The following SLC33A2 variants were observed in gnomAD, a reference collection of about 807,000 sequenced individuals.
SLC33A2 encodes major facilitator superfamily domain containing 3.
chr8:144,509,580 C>G, the SLC33A2 span: 2 of 1,529,406 alleles, frequency 1.3e-6, no homozygotes, highest in South Asian at 1.2e-5. Flanking sequence ...GGTGTGTGGG[C>G]TGCTTGCCGG....
chr8:144,511,014 C>G, the SLC33A2 span: 6 of 1,602,230 alleles, frequency 3.7e-6, no homozygotes, highest in East Asian at 1.3e-4. Context: ...GCCTTCTGGC[C>G]ACGCTGGAGC....
chr8:144,510,191 G>C, the SLC33A2 span: 625 of 1,293,830 alleles, frequency 4.8e-4, 6 homozygotes, highest in South Asian at 8.4e-3. Flanking sequence ...TCCGCCCCCA[G>C]CTCTAGCCCC....
the SLC33A2 span, chr8:144,509,517 G>A: frequency 2.6e-6 from 4 of 1,529,284 alleles, no homozygotes; most frequent in Non-Finnish European, 2.6e-6. Context: ...GCTGGTGGAC[G>A]CGCAGGGCTC....
chr8:144,510,882 G>T, the SLC33A2 span: 1 of 1,607,558 alleles, frequency 6.2e-7, no homozygotes, highest in Non-Finnish European at 8.5e-7. Flanking sequence ...GCTGCAGCCA[G>T]CTGGCCCCCA....
At chr8:144,509,654 G>A in the SLC33A2 span, 24 of 1,548,524 alleles carry the variant, frequency 1.5e-5, no homozygotes, top group Non-Finnish European at 2.1e-5. Flanking sequence ...TGCTGCTGTT[G>A]TTGAACCTGG....
At chr8:144,509,719 C>T in the SLC33A2 span, 7 of 1,568,122 alleles carry the variant, frequency 4.5e-6, no homozygotes, top group Non-Finnish European at 5.2e-6. Context: ...CTGCTGGAGC[C>T]GGCCGAACTG....
At chr8:144,510,383 T>G in the SLC33A2 span, 1 of 1,612,508 alleles carries the variant, frequency 6.2e-7, no homozygotes, top group Non-Finnish European at 8.5e-7. Flanking sequence ...CAGCAGCCTG[T>G]TTCCTCTTCT....
the SLC33A2 span, chr8:144,509,517 G>T: frequency 1.3e-6 from 2 of 1,529,172 alleles, no homozygotes; most frequent in Non-Finnish European, 1.7e-6. Flanking sequence ...GCTGGTGGAC[G>T]CGCAGGGCTC....
chr8:144,510,130 G>GC, the SLC33A2 span: 1 of 1,354,608 alleles, frequency 7.4e-7, no homozygotes, highest in Non-Finnish European at 9.9e-7. Context: ...GGTATGACCT[G>GC]CAAGACTTGG....
chr8:144,510,011 G>C, the SLC33A2 span: 7 of 1,594,124 alleles, frequency 4.4e-6, no homozygotes, highest in East Asian at 2.2e-5. Flanking sequence ...TCACCTACAA[G>C]CTGGGTGAGT....
chr8:144,509,826 CA>C, the SLC33A2 span: 78 of 1,538,838 alleles, frequency 5.1e-5, no homozygotes, highest in African/African-American at 2.9e-4. Context: ...CTCGTGGCCG[CA>C]ACTCTTTCTG....
At chr8:144,509,262 C>A in the SLC33A2 span, 1 of 1,385,542 alleles carries the variant, frequency 7.2e-7, no homozygotes, top group Non-Finnish European at 9.4e-7. Flanking sequence ...TGACCCCACG[C>A]GGAGGGGACC....
chr8:144,509,546 G>A, the SLC33A2 span: 1 of 1,519,538 alleles, frequency 6.6e-7, no homozygotes, highest in Non-Finnish European at 8.8e-7. Context: ...CCTGGGTGAC[G>A]CGCAGCACGG....
the SLC33A2 span, chr8:144,510,335 G>A: frequency 2.5e-6 from 4 of 1,609,896 alleles, no homozygotes; most frequent in Middle Eastern, 1.9e-4. Context: ...AACCTCCCGT[G>A]CTCATGCCCC....
chr8:144,511,019 T>C, the SLC33A2 span: 1 of 1,602,706 alleles, frequency 6.2e-7, no homozygotes, highest in Non-Finnish European at 8.5e-7. Context: ...CTGGCCACGC[T>C]GGAGCTGCTG....
chr8:144,509,297 AC>A, the SLC33A2 span: 1 of 1,426,532 alleles, frequency 7.0e-7, no homozygotes, highest in South Asian at 1.5e-5. Context: ...CCCACCTGGA[AC>A]CCGACCTCCC....
the SLC33A2 span, chr8:144,510,825 C>T: frequency 1.2e-6 from 2 of 1,611,180 alleles, no homozygotes; most frequent in East Asian, 2.2e-5. Context: ...GTCTGCAGCA[C>T]TTCTTGGGAG....
At chr8:144,511,144 G>A in the SLC33A2 span, 26 of 1,610,060 alleles carry the variant, frequency 1.6e-5, no homozygotes, top group African/African-American at 5.3e-5. Flanking sequence ...CCTGGACCTA[G>A]CACCCAGCAC....
chr8:144,511,005 C>T, the SLC33A2 span: 2 of 1,601,534 alleles, frequency 1.2e-6, no homozygotes, highest in East Asian at 2.2e-5. Flanking sequence ...CACACTACAG[C>T]CTTCTGGCCA....
Sources: allele counts gnomAD v4.1 joint callset, GRCh38; gene constraint gnomAD v4.1.1; transcripts MANE v1.5; gene names NCBI Gene and HGNC (gene_info 2026-07-23, HGNC 2026-07-21).